The following MTHFD2L variants were observed in gnomAD, a reference collection of about 807,000 sequenced individuals.
MTHFD2L encodes methylenetetrahydrofolate dehydrogenase (NADP+ dependent) 2 like, also known as bifunctional methylenetetrahydrofolate dehydrogenase/cyclohydrolase 2, mitochondrial.
In MTHFD2L, 29 loss-of-function variants were observed where a neutral mutation model predicts 34.9. The observed-to-expected ratio is 0.83, with a 90% CI of 0.62 to 1.13. The LOEUF (loss-of-function observed/expected upper bound fraction) is 1.13, where lower values mean the gene tolerates loss of function less well. Ranked by LOEUF, MTHFD2L falls within the 50% of genes most tolerant of loss-of-function variation. The pLI is 0.00. For synonymous variants in MTHFD2L, 167 were observed against 155.7 expected (o/e 1.07, Z -0.54); for missense variants, 481 against 446.5 (o/e 1.08, Z -0.70).
chr4:74,124,474 T>G (rs901237383), upstream of MTHFD2L, among the ~76,000 whole-genome samples: 1 of 150,964 alleles, frequency 6.6e-6, no homozygotes, highest in South Asian at 2.1e-4. Flanking sequence ...ATTTATAGTT[T>G]TATGTATTTA....
intron 6 of MTHFD2L, among the ~76,000 whole-genome samples, chr4:74,225,598 A>C (rs1739023449): frequency 6.6e-6 from 1 of 152,156 alleles, no homozygotes; most frequent in African/African-American, 2.4e-5. Flanking sequence ...GAAAACCCAA[A>C]CAGCTTTTGG....
chr4:74,125,835 A>G (rs1722030340), intron 1 of MTHFD2L, among the ~76,000 whole-genome samples: 1 of 152,202 alleles, frequency 6.6e-6, no homozygotes, highest in African/African-American at 2.4e-5. Context: ...GTATTTAGAA[A>G]TAAGGAAAAA....
intron 3 of MTHFD2L, among the ~76,000 whole-genome samples, chr4:74,178,414 G>A (rs577486214): frequency 6.6e-6 from 1 of 152,056 alleles, no homozygotes; most frequent in African/African-American, 2.4e-5. Context: ...TTCTAACTAC[G>A]TTGGATTTTA....
chr4:74,245,264 A>G (rs1034447554), intron 6 of MTHFD2L, among the ~76,000 whole-genome samples: 3 of 151,354 alleles, frequency 2.0e-5, no homozygotes, highest in Non-Finnish European at 2.9e-5. Context: ...AAGATTTTCA[A>G]AATTGTAAGA....
chr4:74,210,907 C>T (rs1736204230), intron 5 of MTHFD2L, among the ~76,000 whole-genome samples: 1 of 152,074 alleles, frequency 6.6e-6, no homozygotes, highest in African/African-American at 2.4e-5. Context: ...CTTCATATCC[C>T]TTTAAGTTGT....
rs201050576 is a variant in MTHFD2L at position 74,138,574 on chromosome 4, C to CTTT, written c.-297+13058_-297+13060dup. On this transcript the variant is annotated intron_variant, in intron 1 of 7. Coordinates refer to the MTHFD2L transcript ENST00000433372. ...TAACCATGCAGGAACAATGGCGAGC[C>CTTT]TTTAGCCCGATCCAGAGCGGCAATG... Among the ~76,000 whole-genome samples, 884 of 152,260 alleles carry CTTT rather than the reference C, an allele frequency of 5.8e-3. 32 individuals are homozygous for CTTT. Among genetic ancestry groups the CTTT allele is most frequent in the Admixed American group, 0.05 (764 of 15,290 alleles).
intron 5 of MTHFD2L, among the ~76,000 whole-genome samples, 195 bp downstream of exon 5, chr4:74,201,565 T>A (rs1226981465): frequency 5.1e-5 from 2 of 39,586 alleles, no homozygotes; most frequent in Admixed American, 4.7e-4. Context: ...GGCCATTTTC[T>A]CTATTTTTTT....
intron 7 of MTHFD2L, among the ~76,000 whole-genome samples, chr4:74,292,354 T>C (rs560667238): frequency 3.9e-5 from 6 of 152,346 alleles, no homozygotes; most frequent in Admixed American, 6.5e-5. Context: ...TCTGCAAGTT[T>C]TTCTTTGCTT....
chr4:74,291,003 CTTTTTTTTTTTTTTTTTT>C (rs10585551), intron 7 of MTHFD2L, among the ~76,000 whole-genome samples: 9 of 29,274 alleles, frequency 3.1e-4, no homozygotes, highest in African/African-American at 6.4e-4. Flanking sequence ...TTTTCCTTTT[CTTTTTTTTTTTTTTTTTT>C]TTTTTTTTTT....
intron 5 of MTHFD2L, among the ~76,000 whole-genome samples, chr4:74,208,262 T>A (rs1354146691): frequency 2.7e-5 from 4 of 149,446 alleles, no homozygotes; most frequent in African/African-American, 9.8e-5. Context: ...ATTTTCTAAA[T>A]TGAATAATAG....
At chr4:74,150,772 T>C (rs1723885833) in intron 1 of MTHFD2L, among the ~76,000 whole-genome samples, 1 of 151,772 alleles carries the variant, frequency 6.6e-6, no homozygotes, top group African/African-American at 2.4e-5. Flanking sequence ...TATGTATACG[T>C]GTGTGTGTGT....
At position 74,175,411 on chromosome 4, in the gene MTHFD2L, A is replaced by G. The variant is rs1344021779; in HGVS notation, c.451+8A>G. On this transcript the variant is annotated splice_region_variant and intron_variant, in intron 3 of 7. Transcript: ENST00000325278. Reference sequence around the variant, plus strand: ...TTCAGTTACCACTACCAGGTACATAATGCTCCTCTTATTTATCTGATTTTG... The same window carrying G: ...TTCAGTTACCACTACCAGGTACATAGTGCTCCTCTTATTTATCTGATTTTG... 3.1e-6 allele frequency: 5 copies of G among 1,602,068 alleles called. No homozygotes were observed. The highest frequency in any genetic ancestry group is 3.4e-6 in the Non-Finnish European group (4 of 1,175,812).
At chr4:74,155,770 C>G (rs1724198821), upstream of MTHFD2L, among the ~76,000 whole-genome samples, 1 of 151,736 alleles carries the variant, frequency 6.6e-6, no homozygotes, top group Non-Finnish European at 1.5e-5. Context: ...CCTTTATTGT[C>G]TGAGAAATGC....
upstream of MTHFD2L, among the ~76,000 whole-genome samples, chr4:74,124,754 A>G (rs1275864550): frequency 6.6e-6 from 1 of 152,128 alleles, no homozygotes; most frequent in East Asian, 1.9e-4. Flanking sequence ...CAGTACCACA[A>G]TGCCAGTGCA....
At position 74,225,497 on chromosome 4, in the gene MTHFD2L, G is replaced by A. The variant is rs573516275; in HGVS notation, c.805+103G>A. 2.1e-5 allele frequency: 18 copies of A among 841,162 alleles called. No homozygotes were observed. The African/African-American group carries it at 2.9e-4, about 13-fold the overall frequency. The allele number at this position is 841,162 out of a possible 1,614,324, so 52.1% of individuals were successfully genotyped here. A position where few individuals can be genotyped will look rare whatever the true frequency, so the allele number is the denominator to read the frequency against. On this transcript the variant is annotated intron_variant, in intron 6 of 7. Transcript: ENST00000325278. ...AGCTTTTTGAGAGAGTTAGCTTTAT[G>A]TATGACTAACTTCTGTTGATTGGAT...
intron 1 of MTHFD2L, among the ~76,000 whole-genome samples, chr4:74,135,430 C>A (rs905737898): frequency 1.3e-5 from 2 of 152,010 alleles, no homozygotes; most frequent in Non-Finnish European, 2.9e-5. Flanking sequence ...TGGACACATG[C>A]AACCTACCAA....
At chr4:74,268,477 C>T (rs756715881) in intron 6 of MTHFD2L, among the ~76,000 whole-genome samples, 2 of 151,994 alleles carry the variant, frequency 1.3e-5, no homozygotes, top group African/African-American at 2.4e-5. Flanking sequence ...ATCATTTAGC[C>T]TCTCAGCACC....
chr4:74,229,162 C>A (rs1405904593), intron 6 of MTHFD2L, among the ~76,000 whole-genome samples: 1 of 152,084 alleles, frequency 6.6e-6, no homozygotes, highest in Admixed American at 6.6e-5. Flanking sequence ...TTATAAGAAA[C>A]AACTAAAGAT....
intron 7 of MTHFD2L, among the ~76,000 whole-genome samples, chr4:74,294,843 A>G (rs969640746): frequency 2.6e-5 from 4 of 152,216 alleles, no homozygotes; most frequent in Admixed American, 2.0e-4. Flanking sequence ...ATAGGGGGGA[A>G]AGTCATCAGC....
Sources: gnomAD v4.1 joint callset for allele counts (sites outside exome capture counted in the v4.1 genomes callset) on GRCh38, gnomAD v4.1.1 for gene constraint, MANE v1.5 for transcripts, NCBI Gene and HGNC (gene_info 2026-07-23, HGNC 2026-07-21) for gene names.